The following TEX2 variants were observed in gnomAD, a reference collection of about 807,000 sequenced individuals.
The protein encoded by TEX2 is testis expressed 2.
In TEX2, 53 loss-of-function variants were observed where a neutral mutation model predicts 106.9. The ratio of observed to expected loss-of-function variants is 0.50; its 90% CI spans 0.40 to 0.62. The LOEUF (loss-of-function observed/expected upper bound fraction) is 0.62, where lower values mean the gene tolerates loss of function less well. Ranked by LOEUF, TEX2 falls within the 20% of genes least tolerant of loss-of-function variation. TEX2 has a pLI of 0.00. For synonymous variants in TEX2, 523 were observed against 534.8 expected, an observed-to-expected ratio of 0.98 and a Z score of 0.30; for missense variants, 1,207 against 1,379.0, an observed-to-expected ratio of 0.88 and a Z score of 1.98.
chr17:64,228,187 GA>G (rs1419719691), intron 1 of TEX2, among the ~76,000 whole-genome samples: 1 of 152,184 alleles, frequency 6.6e-6, no homozygotes, highest in East Asian at 1.9e-4. Context: ...CAAACTCATT[GA>G]AAAAAACTTC....
At chr17:64,212,550 G>T (rs782440514) in intron 2 of TEX2, 24 bp downstream of exon 2, 35 of 1,591,386 alleles carry the variant, frequency 2.2e-5, no homozygotes, top group Non-Finnish European at 2.9e-5. Context: ...GTGTGTACTA[G>T]CCAGCTCCCG....
At chr17:64,149,234 C>T in intron 11 of TEX2, 143 bp from the exon 12 acceptor site, 1 of 799,488 alleles carries the variant, frequency 1.3e-6, no homozygotes, top group South Asian at 1.9e-5. Flanking sequence ...CTAATTCTCC[C>T]ACCATACATA....
chr17:64,250,517 T>A (rs2034069336), intron 1 of TEX2, among the ~76,000 whole-genome samples: 1 of 152,138 alleles, frequency 6.6e-6, no homozygotes. Context: ...AGGGTTAGAG[T>A]TTACTGCATG....
chr17:64,170,473 G>T (rs1029821729), intron 7 of TEX2, among the ~76,000 whole-genome samples: 3 of 152,144 alleles, frequency 2.0e-5, no homozygotes, highest in Non-Finnish European at 4.4e-5. Context: ...CTGAAATCCA[G>T]CCACTGCCTC....
intron 5 of TEX2, among the ~76,000 whole-genome samples, chr17:64,182,245 T>G (rs1271721196): frequency 6.6e-6 from 1 of 152,126 alleles, no homozygotes; most frequent in African/African-American, 2.4e-5. Flanking sequence ...AAATACTGTA[T>G]AATTCTACTT....
At chr17:64,245,594 C>A (rs1187670244) in intron 1 of TEX2, among the ~76,000 whole-genome samples, 1 of 152,144 alleles carries the variant, frequency 6.6e-6, no homozygotes, top group Non-Finnish European at 1.5e-5. Context: ...GAAAAGCAGA[C>A]ATATTATGGT....
At chr17:64,235,746 C>T (rs1160139566) in intron 1 of TEX2, among the ~76,000 whole-genome samples, 3 of 152,170 alleles carry the variant, frequency 2.0e-5, no homozygotes, top group Non-Finnish European at 4.4e-5. Context: ...TATTCTGCTC[C>T]TCTAATTCAT....
At chr17:64,157,377 G>A (rs564558959) in intron 8 of TEX2, among the ~76,000 whole-genome samples, 1 of 152,254 alleles carries the variant, frequency 6.6e-6, no homozygotes, top group South Asian at 2.1e-4. Context: ...AAGAAAAAGT[G>A]AATTATTTTA....
chr17:64,236,726 C>T (rs1179983797), intron 1 of TEX2, among the ~76,000 whole-genome samples: 1 of 152,176 alleles, frequency 6.6e-6, no homozygotes, highest in African/African-American at 2.4e-5. Flanking sequence ...TTAAGAATAA[C>T]ACCTAGTTAA....
chr17:64,206,125 T>C (rs1160936907), intron 2 of TEX2, among the ~76,000 whole-genome samples: 2 of 152,220 alleles, frequency 1.3e-5, no homozygotes, highest in African/African-American at 2.4e-5. Context: ...CAAGTGCAGT[T>C]TGCTGACTCT....
At chr17:64,211,968 G>GGTA (rs2033014976) in intron 2 of TEX2, among the ~76,000 whole-genome samples, 1 of 152,222 alleles carries the variant, frequency 6.6e-6, no homozygotes. Context: ...GCAACATAGT[G>GGTA]AGACTCCGTC....
chr17:64,163,000 C>G (rs2030957347), intron 7 of TEX2, among the ~76,000 whole-genome samples: 1 of 152,202 alleles, frequency 6.6e-6, no homozygotes, highest in East Asian at 1.9e-4. Flanking sequence ...GCTTGGGCAT[C>G]TGACTGAGCC....
At chr17:64,211,178 C>T (rs781856678) in intron 2 of TEX2, among the ~76,000 whole-genome samples, 1 of 152,156 alleles carries the variant, frequency 6.6e-6, no homozygotes, top group African/African-American at 2.4e-5. Flanking sequence ...CCAGGCTGGT[C>T]TTGAACTCCT....
intron 1 of TEX2, among the ~76,000 whole-genome samples, chr17:64,222,306 G>A (rs781816503): frequency 1.3e-5 from 2 of 151,988 alleles, no homozygotes; most frequent in Non-Finnish European, 2.9e-5. Context: ...GGATCACCAG[G>A]TCAAGAGATT....
At chr17:64,228,929 T>TACGTAC in intron 1 of TEX2, among the ~76,000 whole-genome samples, 1 of 146,648 alleles carries the variant, frequency 6.8e-6, no homozygotes, top group East Asian at 2.0e-4. Flanking sequence ...GACTGACAGG[T>TACGTAC]ACACACACAC....
chr17:64,211,963 A>G (rs1198129795), intron 2 of TEX2, among the ~76,000 whole-genome samples: 1 of 152,260 alleles, frequency 6.6e-6, no homozygotes, highest in Non-Finnish European at 1.5e-5. Flanking sequence ...ACTAGGCAAC[A>G]TAGTGAGACT....
At chr17:64,196,726 G>GT (rs1366040693) in intron 2 of TEX2, among the ~76,000 whole-genome samples, 1 of 152,256 alleles carries the variant, frequency 6.6e-6, no homozygotes, top group Non-Finnish European at 1.5e-5. Context: ...TTGGCTCACA[G>GT]TTTTTTTGTC....
At chr17:64,188,833 T>A (rs1019925856) in intron 4 of TEX2, among the ~76,000 whole-genome samples, 23 of 150,752 alleles carry the variant, frequency 1.5e-4, no homozygotes, top group East Asian at 3.9e-4. Flanking sequence ...AAAAAAAAAA[T>A]TTTATAAGTT....
chr17:64,164,640 G>A (rs184723185), intron 7 of TEX2, among the ~76,000 whole-genome samples: 17 of 152,260 alleles, frequency 1.1e-4, no homozygotes, highest in African/African-American at 3.9e-4. Context: ...GCGTGTATGC[G>A]TTCTTAATGT....
Sources: allele counts gnomAD v4.1 joint callset (sites outside exome capture counted in the v4.1 genomes callset), GRCh38; gene constraint gnomAD v4.1.1; transcripts MANE v1.5; gene names NCBI Gene and HGNC (gene_info 2026-07-23, HGNC 2026-07-21).